Variants in UBA1 observed in about 807,000 individuals in gnomAD.
UBA1 encodes the protein ubiquitin like modifier activating enzyme 1.
A neutral mutation model predicts 84.7 loss-of-function variants in UBA1; 4 were observed. That is an observed-to-expected ratio of 0.05 (90% CI 0.02 to 0.11). The LOEUF (loss-of-function observed/expected upper bound fraction) is 0.11, where lower values mean the gene tolerates loss of function less well. Ranked by LOEUF, UBA1 falls within the 10% of genes least tolerant of loss-of-function variation. The pLI is 1.00. For synonymous variants in UBA1, 364 were observed against 362.6 expected (o/e 1.00, Z -0.04); for missense variants, 513 against 902.8 (o/e 0.57, Z 5.53).
chrX:47,212,758 C>T lies in UBA1; in HGVS notation c.2554-13C>T. On this transcript the variant is annotated splice_polypyrimidine_tract_variant and intron_variant, in intron 21 of 25. Coordinates refer to ENST00000335972, the MANE Select transcript of UBA1 (RefSeq NM_003334.4). ...TCTCCCCACTGCCTTCACACCCTCC[C>T]CACTCATAACAGGATGATGACAGCA... 1 of 1,202,847 alleles carries T rather than the reference C, an allele frequency of 8.3e-7. No individual in the cohort carries two copies. Among genetic ancestry groups the T allele is most frequent in the Non-Finnish European group, 1.1e-6 (1 of 887,863 alleles).
At chrX:47,213,660 G>GT (rs1937024519) in intron 23 of UBA1, among the ~76,000 whole-genome samples, 1 of 112,275 alleles carries the variant, frequency 8.9e-6, no homozygotes, top group African/African-American at 3.2e-5. Flanking sequence ...GAAGTCAGGA[G>GT]TTTGAGACCA....
chrX:47,211,329 C>T, intron 20 of UBA1, 104 bp downstream of exon 20: 2 of 968,365 alleles, frequency 2.1e-6, no homozygotes, highest in East Asian at 3.2e-5. Context: ...GCTCTGTGAC[C>T]CCAGGCCTGA....
In UBA1 at chrX:47,197,063, C is replaced by A. The variant is rs782736143; in HGVS notation, c.1-1740C>A. ...TCAGTAAATGGAAAATATGGTTCAC[C>A]TTTGTCTCTACTAACTCACCAAGCC... On this transcript the variant is annotated intron_variant, in intron 1 of 25. Transcript: ENST00000335972. 152 of 735,859 alleles carry A rather than the reference C, an allele frequency of 2.1e-4. 1 individual carries two copies. The highest frequency in any genetic ancestry group is 2.4e-4 in the Non-Finnish European group (150 of 623,197). 60.6% of individuals were successfully genotyped at this position (735,859 alleles called of 1,213,427 possible).
intron 1 of UBA1, chrX:47,198,411 T>C: frequency 1.5e-6 from 1 of 652,421 alleles, no homozygotes; most frequent in South Asian, 2.5e-5. Flanking sequence ...CCTGTGGCGG[T>C]TAATTATTAC....
intron 18 of UBA1, among the ~76,000 whole-genome samples, chrX:47,210,366 G>C (rs1556793011): frequency 8.9e-6 from 1 of 111,998 alleles, no homozygotes; most frequent in African/African-American, 3.3e-5. Flanking sequence ...AGTCAGGGCT[G>C]TAGGGATTAT....
chrX:47,210,417 G>A (rs2043963966), intron 18 of UBA1, among the ~76,000 whole-genome samples: 1 of 111,979 alleles, frequency 8.9e-6, no homozygotes, highest in Non-Finnish European at 1.9e-5. Context: ...GAATCAATAT[G>A]GGTTCAAATC....
rs782354395 is a variant in UBA1, at chrX:47,202,698, G to A, written c.1117G>A (p.Val373Met). The A allele has an allele frequency of 9.9e-6, 12 of 1,211,040 alleles. No individual in the cohort carries two copies. Among genetic ancestry groups the A allele is most frequent in the Non-Finnish European group, 1.3e-5 (12 of 895,365 alleles). ...QAVNARALPA[V>M]QQNNLDEDLI... Reference sequence around the variant, plus strand: ...TGTGAATGCTCGAGCCCTGCCAGCAGTGCAGCAAAATAACCTGGACGAGGA... The same window carrying A: ...TGTGAATGCTCGAGCCCTGCCAGCAATGCAGCAAAATAACCTGGACGAGGA... Residue 373 changes from valine (V) to methionine (M), a missense_variant, in exon 11 of 26, where the codon GTG becomes ATG. By Grantham distance (21) the Val-to-Met change is conservative. Coordinates refer to ENST00000335972, the MANE Select transcript of UBA1 (RefSeq NM_003334.4).
At chrX:47,211,254 G>C (rs782327662) in intron 20 of UBA1, 29 bp downstream of exon 20, 4 of 1,198,349 alleles carry the variant, frequency 3.3e-6, no homozygotes, top group Non-Finnish European at 4.5e-6. Context: ...TTGGCCAGGA[G>C]TCACCCCACA....
upstream of UBA1, among the ~76,000 whole-genome samples, chrX:47,192,233 A>G (rs1399996508): frequency 3.6e-5 from 4 of 110,813 alleles, no homozygotes; most frequent in African/African-American, 1.3e-4. Flanking sequence ...TGTAGTCTTA[A>G]CCAGATGCCA....
intron 22 of UBA1, 59 bp from the exon 23 acceptor site, chrX:47,212,931 G>A: frequency 8.3e-7 from 1 of 1,208,841 alleles, no homozygotes; most frequent in Non-Finnish European, 1.1e-6. Flanking sequence ...TAGCCCCTCT[G>A]TAGACCCTGA....
At chrX:47,203,093 T>C (rs1936483629) in intron 12 of UBA1, 41 bp from the exon 13 acceptor site, 14 of 1,202,629 alleles carry the variant, frequency 1.2e-5, no homozygotes, top group Non-Finnish European at 1.6e-5. Flanking sequence ...GGGACATTTC[T>C]GGGGAGGCCT....
At chrX:47,214,744 C>G in intron 25 of UBA1, 50 bp from the exon 26 acceptor site, 1 of 1,206,821 alleles carries the variant, frequency 8.3e-7, no homozygotes, top group Middle Eastern at 2.3e-4. Flanking sequence ...TGCCCATCCT[C>G]TCTTGCTTTC....
At chrX:47,198,756 C>T (rs781919817) in intron 1 of UBA1, 47 bp from the exon 2 acceptor site, 51 of 1,135,366 alleles carry the variant, frequency 4.5e-5, no homozygotes, top group Non-Finnish European at 5.7e-5. Flanking sequence ...AACAGAAAAA[C>T]GGTACCCATG....
In UBA1 at chrX:47,199,943, C is replaced by T. The variant is rs1047371778; in HGVS notation, c.480+329C>T. On this transcript the variant is annotated intron_variant, in intron 5 of 25. Coordinates refer to ENST00000335972, the MANE Select transcript of UBA1 (RefSeq NM_003334.4). ...GACTACAGGCGCCTGCCACCACGCC[C>T]GGCTAATTTTTTTTTGTATTTTTAG... 1.3e-4 allele frequency among the ~76,000 whole-genome samples: 14 copies of T among 110,191 alleles called. 1 individual carries two copies. Among genetic ancestry groups the T allele is most frequent in the Admixed American group, 8.7e-4 (9 of 10,369 alleles).
rs782656395 is a variant in UBA1 at position 47,198,886 on chromosome X, C to T, written c.84C>T (p.Ser28=). 60 of 1,210,620 alleles carry T rather than the reference C, an allele frequency of 5.0e-5. No homozygotes were observed. The South Asian group carries it at 8.3e-4, about 17-fold the overall frequency. ...KPGSNCSPAQ[S]VLSEVPSVPT... ...GTTCTAACTGCTCCCCTGCCCAGTC[C>T]GTGTTGTCCGAAGTGCCCTCGGTGC... Residue 28 remains serine, a synonymous_variant, in exon 2 of 26, where the codon TCC becomes TCT. Coordinates refer to ENST00000335972, the MANE Select transcript of UBA1 (RefSeq NM_003334.4).
chrX:47,200,660 C>G (rs1467806708), intron 5 of UBA1, among the ~76,000 whole-genome samples: 1 of 112,141 alleles, frequency 8.9e-6, no homozygotes, highest in African/African-American at 3.2e-5. Context: ...TGAGTCAGCT[C>G]TTCTCCAAAC....
At chrX:47,214,208 A>T in intron 23 of UBA1, 119 bp from the exon 24 acceptor site, 10 of 632,175 alleles carry the variant, frequency 1.6e-5, no homozygotes, top group Non-Finnish European at 2.6e-6. Context: ...AGGATTTCGA[A>T]CAAAAGAGGG....
chrX:47,196,571 A>T (rs1464321322), intron 1 of UBA1, among the ~76,000 whole-genome samples: 1 of 109,351 alleles, frequency 9.1e-6, no homozygotes, highest in Non-Finnish European at 1.9e-5. Flanking sequence ...AAGGGTGTAG[A>T]TTGTTTTTCT....
At chrX:47,210,204 G>A (rs995669110) in intron 18 of UBA1, 81 bp downstream of exon 18, 10 of 1,086,720 alleles carry the variant, frequency 9.2e-6, no homozygotes, top group Non-Finnish European at 1.0e-5. Context: ...TCCCACTGTG[G>A]AGTCCAGCTG....
Sources: gnomAD v4.1 joint callset for allele counts (sites outside exome capture counted in the v4.1 genomes callset) on GRCh38, gnomAD v4.1.1 for gene constraint, MANE v1.5 for transcripts, NCBI Gene and HGNC (gene_info 2026-07-23, HGNC 2026-07-21) for gene names.